The following DNAH1 variants were observed in gnomAD, a reference collection of about 807,000 sequenced individuals.
DNAH1 encodes the protein axonemal beta dynein heavy chain 1.
Under a neutral mutation model 484.3 loss-of-function variants are expected in DNAH1, and 327 were observed. The observed-to-expected ratio is 0.68, with a 90% CI of 0.62 to 0.74. The LOEUF (loss-of-function observed/expected upper bound fraction) is 0.74, where lower values mean the gene tolerates loss of function less well. DNAH1 is among the 30% of genes least tolerant of loss of function. The pLI, the probability that DNAH1 is intolerant of heterozygous loss-of-function variation, is 0.00. For missense variants in DNAH1, 5,052 were observed against 5,546.8 expected, an observed-to-expected ratio of 0.91 and a Z score of 2.83; for synonymous variants, 2,192 against 2,191.9, an observed-to-expected ratio of 1.00 and a Z score of 0.00.
chr3:52,400,477 C>A lies in DNAH1; in HGVS notation c.*31C>A. 6.2e-7 allele frequency: 1 copy of A among 1,613,726 alleles called. No individual in the cohort carries two copies. The highest frequency in any genetic ancestry group is 8.5e-7 in the Non-Finnish European group (1 of 1,179,678). On this transcript the variant is annotated 3_prime_UTR_variant, in exon 78 of 78. Transcript: ENST00000420323. The stretch of plus-strand genomic sequence containing the variant: ...GACAGAAGGGCTGGGGCCATTAAAG[C>A]TGAATTTTCTAAGCAGTCCAGCTGT...
At chr3:52,346,069 C>T (rs1282937672) in intron 10 of DNAH1, among the ~76,000 whole-genome samples, 1 of 152,192 alleles carries the variant, frequency 6.6e-6, no homozygotes, top group African/African-American at 2.4e-5. Context: ...GGTGGGGGTG[C>T]ACCCCCTCTG....
In DNAH1 at chr3:52,352,549, C is replaced by T. The variant is rs1702428762; in HGVS notation, c.2872-3C>T. The T allele has an allele frequency of 1.9e-6, 3 of 1,607,060 alleles. No individual in the cohort carries two copies. The highest frequency in any genetic ancestry group is 2.6e-6 in the Non-Finnish European group (3 of 1,174,716). On this transcript the variant is annotated splice_region_variant and splice_polypyrimidine_tract_variant and intron_variant, in intron 17 of 77. Transcript: ENST00000420323. ...ATCTGACCCATTGCTCCTTGGCCTG[C>T]AGCTGGTAGTAGCTGGCTTCTCCAT... is the stretch of plus-strand genomic sequence containing the variant.
chr3:52,369,335 G>A (rs1703219182), intron 37 of DNAH1, among the ~76,000 whole-genome samples: 1 of 152,170 alleles, frequency 6.6e-6, no homozygotes, highest in African/African-American at 2.4e-5. Flanking sequence ...GGAGATGGAT[G>A]GCATAGACAC....
In DNAH1 at chr3:52,392,905, C is replaced by A; in HGVS notation, c.10354C>A (p.Arg3452Ser). The change falls in exon 65 of 78, where the codon CGC (arginine) becomes AGC (serine). Residue 3452 changes from arginine to serine, a missense_variant. Around this residue, in one of 4 missense-constraint regions of DNAH1, gnomAD observed 2,929 missense variants for 3,409.4 expected, o/e 0.86. Transcript: ENST00000420323. ...CATGGAGTACATACCCGTGGCCATCCGCACCCAGATCCTCTTCTTCTGTGT... is the reference window on the plus strand; with the variant it reads ...CATGGAGTACATACCCGTGGCCATCAGCACCCAGATCCTCTTCTTCTGTGT... ...TRMEYIPVAI[R>S]TQILFFCVSD... The A allele has an allele frequency of 6.2e-7, 1 of 1,612,952 alleles. No individual in the cohort carries two copies.
In DNAH1 at chr3:52,355,200, C is replaced by T; in HGVS notation, c.3693+145C>T. 1.2e-6 allele frequency: 1 copy of T among 800,042 alleles called. No individual in the cohort carries two copies. The highest frequency in any genetic ancestry group is 1.7e-5 in the African/African-American group (1 of 58,680). 49.6% of individuals were successfully genotyped at this position (800,042 alleles called of 1,614,324 possible). A position where few individuals can be genotyped will look rare whatever the true frequency, so the allele number is the denominator to read the frequency against. On this transcript the variant is annotated intron_variant, in intron 21 of 77. Transcript: ENST00000420323. The surrounding 1 kb of genome is among the most constrained non-coding windows in gnomAD (Gnocchi z 4.5). ...CACAGCCCCTGGCTCTCTGGCAGGC[C>T]CCGCCCTACTGCATTCAGAGGAGGG...
Position 52,362,965 on chromosome 3 carries a change from T to C in DNAH1, c.5095-30T>C. ...GGGTGCTCTGGGGGTGAGCTCTGTTTGCTGTTCACATGTGCACTGTGTGTC... is the reference window on the plus strand; with the variant it reads ...GGGTGCTCTGGGGGTGAGCTCTGTTCGCTGTTCACATGTGCACTGTGTGTC... On this transcript the variant is annotated intron_variant, in intron 31 of 77. Transcript: ENST00000420323. The surrounding 1 kb of genome is among the most constrained non-coding windows in gnomAD (Gnocchi z 5.1). The C allele has an allele frequency of 1.2e-6, 2 of 1,612,766 alleles. No individual in the cohort carries two copies. The highest frequency in any genetic ancestry group is 2.2e-5 in the South Asian group (2 of 91,050).
rs1179123845 is a variant in DNAH1 at position 52,322,771 on chromosome 3, T to A, written c.329T>A (p.Leu110His). The stretch of plus-strand genomic sequence containing the variant: ...CTCAGCCCTGGAACCTTAGATCAAC[T>A]TGGGGTGAGTATGGCAGCCATCCCC... The part of the protein sequence containing the change: ...DILSPGTLDQ[L>H]GEVCRGPRMS... The change falls in exon 2 of 78, where the codon CTT becomes CAT. Residue 110 changes from leucine to histidine, a missense_variant. This residue lies in a region of DNAH1 where 1,263 missense variants were observed against 1,218.8 expected (regional missense o/e 1.04). Transcript: ENST00000420323. 8 of 1,598,284 alleles carry A rather than the reference T, an allele frequency of 5.0e-6. No individual in the cohort carries two copies. Among genetic ancestry groups the A allele is most frequent in the Non-Finnish European group, 6.8e-6 (8 of 1,172,392 alleles).
rs1703741404 is a variant in DNAH1 at position 52,379,405 on chromosome 3, T to A, written c.7378-500T>A. The stretch of plus-strand genomic sequence containing the variant: ...AAGGCTGGGAGCTTCCGGAGGGCAG[T>A]CCTGCCACCCAGGGAGATGCAGGGA... On this transcript the variant is annotated intron_variant, in intron 47 of 77. Coordinates refer to ENST00000420323, the MANE Select transcript of DNAH1 (RefSeq NM_015512.5). The surrounding 1 kb of genome is among the most constrained non-coding windows in gnomAD (Gnocchi z 4.4). Among the ~76,000 whole-genome samples the A allele has an allele frequency of 6.6e-6, 1 of 152,024 alleles. No individual in the cohort carries two copies. The highest frequency in any genetic ancestry group is 6.6e-5 in the Admixed American group (1 of 15,262).
intron 8 of DNAH1, 41 bp from the exon 9 acceptor site, chr3:52,344,449 G>A: frequency 6.2e-7 from 1 of 1,601,344 alleles, no homozygotes; most frequent in Non-Finnish European, 8.5e-7. Context: ...TTCACAGGGT[G>A]TGGAGCCCCT....
rs13060192 is a variant in DNAH1, at chr3:52,344,524, G to C, written c.1321G>C (p.Val441Leu). Residue 441 changes from valine to leucine, a missense_variant, in exon 9 of 78, where the codon GTG (valine) becomes CTG (leucine). This residue lies in a region of DNAH1 where 1,263 missense variants were observed against 1,218.8 expected (regional missense o/e 1.04). Coordinates refer to ENST00000420323, the MANE Select transcript of DNAH1 (RefSeq NM_015512.5). Reference protein sequence around the residue: ...LEHLSSLAREVSLDYERSMNK... With the variant: ...LEHLSSLARELSLDYERSMNK... ...GCACCTCAGCAGTCTTGCCAGAGAA[G>C]TGAGCCTGGACTATGAGCGCAGCAT... 70,857 of 1,613,970 alleles carry C rather than the reference G, an allele frequency of 0.044. 1,787 individuals are homozygous for C. Among genetic ancestry groups the C allele is most frequent in the Non-Finnish European group, 0.049 (58,168 of 1,179,830 alleles).
At chr3:52,312,339 C>T (rs961744371), upstream of DNAH1, among the ~76,000 whole-genome samples, 1 of 152,084 alleles carries the variant, frequency 6.6e-6, no homozygotes, top group Non-Finnish European at 1.5e-5. Flanking sequence ...TTCAGGGCCG[C>T]ATCTGTTGGA....
rs1006363863 is a variant in DNAH1 at position 52,353,509 on chromosome 3, A to G, written c.3356A>G (p.Asn1119Ser). 2 of 1,613,972 alleles carry G rather than the reference A, an allele frequency of 1.2e-6. No individual in the cohort carries two copies. The highest frequency in any genetic ancestry group is 1.6e-4 in the Middle Eastern group (1 of 6,062). The change falls in exon 20 of 78, where the codon AAC becomes AGC. Residue 1119 changes from asparagine (N) to serine (S), a missense_variant. Coordinates refer to ENST00000420323, the MANE Select transcript of DNAH1 (RefSeq NM_015512.5). The surrounding 1 kb of genome is among the most constrained non-coding windows in gnomAD (Gnocchi z 5.0). ...TGGGAGACACTGTCCAACCAGATCA[A>G]CATCAATGTCAGGCCCAAGGCCAAC... ...RHWETLSNQI[N>S]INVRPKANLT...
intron 8 of DNAH1, among the ~76,000 whole-genome samples, chr3:52,343,561 A>G: frequency 6.6e-6 from 1 of 152,140 alleles, no homozygotes; most frequent in South Asian, 2.1e-4. Flanking sequence ...TTTCTAGGCC[A>G]GGTTGAGGGT....
chr3:52,358,620 G>A lies in DNAH1; in HGVS notation c.4149G>A (p.Gln1383=). ...HMYSAEGEEV[Q]LCFSIYPSSN... Reference sequence around the variant, plus strand: ...ACTCAGCCGAGGGGGAGGAGGTACAGTTGTGCTTCTCCATCTACCCCTCCA... The same window carrying A: ...ACTCAGCCGAGGGGGAGGAGGTACAATTGTGCTTCTCCATCTACCCCTCCA... Residue 1383 remains glutamine, a synonymous_variant, in exon 25 of 78, where the codon CAG becomes CAA. Transcript: ENST00000420323. The surrounding 1 kb of genome is among the most constrained non-coding windows in gnomAD (Gnocchi z 4.2). 1 of 1,613,332 alleles carries A rather than the reference G, an allele frequency of 6.2e-7. No homozygotes were observed. Among genetic ancestry groups the A allele is most frequent in the Non-Finnish European group, 8.5e-7 (1 of 1,179,776 alleles).
chr3:52,396,232 C>A, intron 70 of DNAH1, 136 bp from the exon 71 acceptor site: 1 of 1,022,980 alleles, frequency 9.8e-7, no homozygotes, highest in Non-Finnish European at 1.4e-6. Context: ...CGCGCCCAGC[C>A]AAAAGCCCAA....
chr3:52,394,782 T>A (rs1553642674), intron 67 of DNAH1, 121 bp downstream of exon 67: 116 of 1,479,918 alleles, frequency 7.8e-5, no homozygotes, highest in Non-Finnish European at 9.1e-6. Flanking sequence ...TGTGGCCACA[T>A]CTCCTCTGTG....
In DNAH1 at chr3:52,392,807, CCCCCCA is replaced by C; in HGVS notation, c.10279-19_10279-14del. On this transcript the variant is annotated splice_polypyrimidine_tract_variant and intron_variant, in intron 64 of 77. Coordinates refer to ENST00000420323, the MANE Select transcript of DNAH1 (RefSeq NM_015512.5). ...CCCTACCTTCTGCTCTTTGACCCCT[CCCCCCA>C]CCCACTACACCCACAGGCCAAAGTC... 1.8e-6 allele frequency: 1 copy of C among 556,292 alleles called. No individual in the cohort carries two copies. The highest frequency in any genetic ancestry group is 3.3e-6 in the Non-Finnish European group (1 of 298,996). The allele number at this position is 556,292 out of a possible 1,614,324, so 34.5% of individuals were successfully genotyped here.
Position 52,353,124 on chromosome 3 carries a change from G to A in DNAH1, c.3049G>A (p.Val1017Met), listed in dbSNP as rs750630563. 4.3e-6 allele frequency: 7 copies of A among 1,613,768 alleles called. No individual in the cohort carries two copies. Among genetic ancestry groups the A allele is most frequent in the Middle Eastern group, 1.7e-4 (1 of 6,060 alleles). Residue 1017 changes from valine (V) to methionine (M), a missense_variant, in exon 19 of 78, where the codon GTG becomes ATG. By Grantham distance (21) the Val-to-Met change is conservative (BLOSUM62 1). Coordinates refer to ENST00000420323, the MANE Select transcript of DNAH1 (RefSeq NM_015512.5). This position sits in a 1 kb window ranked among gnomAD's most constrained non-coding sequence, Gnocchi z 5.0. ...GCAGTATGACAAGCTCTCCAGGATG[G>A]TGAAGGAGTTCCAACCCTACCTGGA... ...ITNYDKLSRM[V>M]KEFQPYLDLW...
chr3:52,346,372 C>T, intron 10 of DNAH1, 100 bp from the exon 11 acceptor site: 1 of 1,306,990 alleles, frequency 7.7e-7, no homozygotes, highest in Non-Finnish European at 1.0e-6. Context: ...CAGATGAGCC[C>T]TGAGCCGCCC....
Sources: allele counts gnomAD v4.1 joint callset (sites outside exome capture counted in the v4.1 genomes callset), GRCh38; gene constraint gnomAD v4.1.1; regional missense constraint gnomAD v4.1.1; non-coding constraint Gnocchi (gnomAD v3.1); transcripts MANE v1.5; gene names NCBI Gene and HGNC (gene_info 2026-07-23, HGNC 2026-07-21).